The following PTPRO variants were observed in gnomAD, a reference collection of about 807,000 sequenced individuals.
PTPRO encodes protein tyrosine phosphatase receptor type O.
A neutral mutation model predicts 145.2 loss-of-function variants in PTPRO; 62 were observed. The observed-to-expected ratio is 0.43, with a 90% CI of 0.35 to 0.53. The LOEUF is 0.53. PTPRO is among the 20% of genes least tolerant of loss of function. The pLI is 0.01. For missense variants in PTPRO, 1,345 were observed against 1,482.7 expected, an observed-to-expected ratio of 0.91 and a Z score of 1.53; for synonymous variants, 565 against 514.7, an observed-to-expected ratio of 1.10 and a Z score of -1.32.
At chr12:15,536,245 G>A (rs1054135740) in intron 12 of PTPRO, among the ~76,000 whole-genome samples, 4 of 152,182 alleles carry the variant, frequency 2.6e-5, no homozygotes, top group Non-Finnish European at 2.9e-5. Context: ...ATGGAGAAAA[G>A]TGAAAGAGGA....
intron 1 of PTPRO, among the ~76,000 whole-genome samples, chr12:15,351,785 T>C (rs1302476020): frequency 1.3e-5 from 2 of 152,172 alleles, no homozygotes; most frequent in East Asian, 3.9e-4. Context: ...TATAGGGATT[T>C]AACAAAAAAA....
chr12:15,585,791 A>T (rs1944418972), intron 23 of PTPRO, among the ~76,000 whole-genome samples: 1 of 152,154 alleles, frequency 6.6e-6, no homozygotes, highest in Non-Finnish European at 1.5e-5. Context: ...GGTTTGGGAT[A>T]TTTCTGATGG....
At chr12:15,484,559 T>C (rs1213483487) in intron 2 of PTPRO, among the ~76,000 whole-genome samples, 3 of 152,016 alleles carry the variant, frequency 2.0e-5, no homozygotes, top group South Asian at 2.1e-4. Flanking sequence ...CTTAATAATG[T>C]CATCATAACT....
chr12:15,416,495 A>T (rs1939979834), intron 1 of PTPRO, among the ~76,000 whole-genome samples: 1 of 150,984 alleles, frequency 6.6e-6, no homozygotes, highest in East Asian at 1.9e-4. Context: ...AATTTTTTAT[A>T]TTTTTAGTAG....
intron 1 of PTPRO, among the ~76,000 whole-genome samples, chr12:15,435,349 G>C (rs867621519): frequency 2.0e-5 from 3 of 152,102 alleles, no homozygotes; most frequent in African/African-American, 7.2e-5. Context: ...CAAAGGAAAA[G>C]TATAAAAATT....
At chr12:15,394,520 C>G (rs2136290887) in intron 1 of PTPRO, among the ~76,000 whole-genome samples, 1 of 152,070 alleles carries the variant, frequency 6.6e-6, no homozygotes, top group Middle Eastern at 3.4e-3. Context: ...TGTCATATGC[C>G]CCGATCTATT....
At chr12:15,488,651 T>C (rs1941939758) in intron 2 of PTPRO, among the ~76,000 whole-genome samples, 1 of 152,200 alleles carries the variant, frequency 6.6e-6, no homozygotes, top group African/African-American at 2.4e-5. Context: ...AAATAAGCAA[T>C]GACAAAGCAA....
rs1281695646 is a variant in PTPRO, at chr12:15,484,123, C to A, written c.225C>A (p.Asn75Lys). The change falls in exon 2 of 27, where the codon AAC becomes AAA. Residue 75 changes from asparagine to lysine, a missense_variant. By Grantham distance (94) the Asn-to-Lys change is moderately conservative. Transcript: ENST00000281171. The part of the protein sequence containing the change: ...KNYFFEFEEF[N>K]STLPPPVIFK... ...ATTTCTTCGAATTTGAGGAATTCAA[C>A]AGCACTTTGCCTCCTCCTGTTATTT... 6.2e-6 allele frequency: 10 copies of A among 1,613,782 alleles called. No homozygotes were observed. Among genetic ancestry groups the A allele is most frequent in the Non-Finnish European group, 8.5e-6 (10 of 1,179,796 alleles).
At chr12:15,566,639 G>A (rs1355521932) in intron 18 of PTPRO, among the ~76,000 whole-genome samples, 1 of 152,026 alleles carries the variant, frequency 6.6e-6, no homozygotes, top group Non-Finnish European at 1.5e-5. Flanking sequence ...TCCTGCCTCA[G>A]CCTCCCCAGT....
Position 15,501,998 on chromosome 12 carries a change from T to C in PTPRO, c.1040T>C (p.Leu347Ser), listed in dbSNP as rs1339442694. The C allele has an allele frequency of 1.2e-6, 2 of 1,614,054 alleles. No individual in the cohort carries two copies. Among genetic ancestry groups the C allele is most frequent in the Non-Finnish European group, 8.5e-7 (1 of 1,179,934 alleles). Residue 347 changes from leucine to serine, a missense_variant, in exon 5 of 27, where the codon TTG becomes TCG. By Grantham distance (145) the Leu-to-Ser change is moderately radical (BLOSUM62 -2). Around this residue, in one of 3 missense-constraint regions of PTPRO, gnomAD observed 1,130 missense variants for 1,214.7 expected, o/e 0.93. Coordinates refer to ENST00000281171, the MANE Select transcript of PTPRO (RefSeq NM_030667.3). ...SFSFFPVQMI[L>S]TWLPPKPPTA... ...TCCTTTTTCCCTGTGCAAATGATAT[T>C]GACCTGGTTACCACCCAAACCACCC... is the stretch of plus-strand genomic sequence containing the variant.
chr12:15,503,744 T>C (rs1448391527), intron 5 of PTPRO, among the ~76,000 whole-genome samples, 164 bp from the exon 6 acceptor site: 1 of 152,174 alleles, frequency 6.6e-6, no homozygotes, highest in Non-Finnish European at 1.5e-5. Flanking sequence ...TGAACTCTTA[T>C]TTATTATTCT....
intron 1 of PTPRO, among the ~76,000 whole-genome samples, chr12:15,342,270 C>T (rs545362810): frequency 6.6e-6 from 1 of 152,160 alleles, no homozygotes; most frequent in East Asian, 1.9e-4. Context: ...TTTATGTTAG[C>T]CCTGTCTTTT....
chr12:15,438,223 G>GA (rs199951622), intron 1 of PTPRO, among the ~76,000 whole-genome samples: 5 of 151,728 alleles, frequency 3.3e-5, no homozygotes, highest in Admixed American at 6.6e-5. Flanking sequence ...CTACCTGTAT[G>GA]AAAAAAAATA....
intron 1 of PTPRO, among the ~76,000 whole-genome samples, chr12:15,468,049 CT>C (rs113407984): frequency 6.6e-5 from 10 of 152,218 alleles, no homozygotes; most frequent in African/African-American, 2.4e-4. Flanking sequence ...ATCTTATACC[CT>C]TTTTTTATTC....
intron 1 of PTPRO, among the ~76,000 whole-genome samples, chr12:15,370,847 T>G (rs1287185795): frequency 2.6e-5 from 4 of 152,246 alleles, no homozygotes; most frequent in Admixed American, 1.3e-4. Context: ...TGAAAAAAAG[T>G]TCATTGAAAC....
At chr12:15,385,528 G>T (rs969918680) in intron 1 of PTPRO, among the ~76,000 whole-genome samples, 1 of 151,984 alleles carries the variant, frequency 6.6e-6, no homozygotes, top group African/African-American at 2.4e-5. Context: ...TAGAAGGATA[G>T]ATGCAGCCGG....
chr12:15,517,060 TA>T, intron 9 of PTPRO, 104 bp downstream of exon 9: 1 of 1,077,920 alleles, frequency 9.3e-7, no homozygotes, highest in Non-Finnish European at 1.4e-6. Flanking sequence ...GATTATTTTG[TA>T]AATACACATA....
At chr12:15,454,774 G>T (rs1941133872) in intron 1 of PTPRO, among the ~76,000 whole-genome samples, 1 of 151,942 alleles carries the variant, frequency 6.6e-6, no homozygotes, top group Non-Finnish European at 1.5e-5. Context: ...AAAGATAAGG[G>T]TCCAATTTCA....
chr12:15,582,235 G>C (rs2135650626), intron 23 of PTPRO, among the ~76,000 whole-genome samples: 1 of 152,328 alleles, frequency 6.6e-6, no homozygotes, highest in East Asian at 1.9e-4. Context: ...CTTCAGCATG[G>C]GCATCAAGGC....
Sources: gnomAD v4.1 joint callset for allele counts (sites outside exome capture counted in the v4.1 genomes callset) on GRCh38, gnomAD v4.1.1 for gene constraint, gnomAD v4.1.1 regional missense constraint, MANE v1.5 for transcripts, NCBI Gene and HGNC (gene_info 2026-07-23, HGNC 2026-07-21) for gene names.